USP15: variants seen among roughly 807,000 people sequenced by gnomAD.
The protein encoded by USP15 is ubiquitin carboxyl-terminal hydrolase 15.
Under a neutral mutation model 127.1 loss-of-function variants are expected in USP15, and 18 were observed. The observed-to-expected ratio is 0.14, with a 90% CI of 0.10 to 0.21. The LOEUF (loss-of-function observed/expected upper bound fraction) is 0.21. Among genes scored for constraint, USP15 ranks in the 10% least tolerant of loss-of-function variants. USP15 has a pLI of 1.00. For missense variants in USP15, 805 were observed against 1,159.9 expected (o/e 0.69, Z 4.44); for synonymous variants, 364 against 393.7 (o/e 0.92, Z 0.89).
intron 11 of USP15, among the ~76,000 whole-genome samples, chr12:62,384,780 A>C (rs1268848992): frequency 6.6e-6 from 1 of 151,786 alleles, no homozygotes; most frequent in Non-Finnish European, 1.5e-5. Context: ...TAGACTAAAA[A>C]TATTTTGTTC....
chr12:62,281,771 G>T (rs957992085), intron 1 of USP15, among the ~76,000 whole-genome samples: 6 of 152,166 alleles, frequency 3.9e-5, no homozygotes, highest in Non-Finnish European at 1.5e-5. Flanking sequence ...AAATGGGAAA[G>T]TCTCCTATCA....
intron 6 of USP15, among the ~76,000 whole-genome samples, chr12:62,333,489 G>A (rs933828184): frequency 5.3e-5 from 8 of 151,938 alleles, no homozygotes; most frequent in African/African-American, 1.9e-4. Flanking sequence ...ATAAAGATGG[G>A]GTTTCACCAT....
intron 8 of USP15, among the ~76,000 whole-genome samples, chr12:62,378,112 C>T (rs1207879884): frequency 6.6e-6 from 1 of 152,112 alleles, no homozygotes. Context: ...GAGGCTCAGG[C>T]AGGAGAATCG....
Position 62,404,383 on chromosome 12 carries a change from C to G in USP15, c.*8C>G, listed in dbSNP as rs1448414679. ...TGTATGCACACTAACTAATGAAAGT[C>G]CTAGAAGCCATAAAAGAGACACTTT... On this transcript the variant is annotated 3_prime_UTR_variant, in exon 22 of 22. Transcript: ENST00000280377. 6.4e-7 allele frequency: 1 copy of G among 1,574,270 alleles called. No individual in the cohort carries two copies. The highest frequency in any genetic ancestry group is 8.6e-7 in the Non-Finnish European group (1 of 1,158,878).
rs528319262 is a variant in USP15, at chr12:62,327,460, G to C, written c.683+1527G>C. Among the ~76,000 whole-genome samples the C allele has an allele frequency of 1.2e-4, 18 of 152,122 alleles. No individual in the cohort carries two copies. In the South Asian group the frequency reaches 3.7e-3, roughly 32 times the overall value. ...ACATTTACTTTTAGTCTTCAAAGCA[G>C]AACCACTGTTGTTTCCTAAATGTTT... On this transcript the variant is annotated intron_variant, in intron 6 of 21. Coordinates refer to ENST00000280377, the MANE Select transcript of USP15 (RefSeq NM_001252078.2).
At chr12:62,356,159 C>T (rs939290653) in intron 8 of USP15, among the ~76,000 whole-genome samples, 2 of 151,728 alleles carry the variant, frequency 1.3e-5, no homozygotes, top group African/African-American at 4.8e-5. Flanking sequence ...TTTATAAAAG[C>T]TCAGAATAAT....
chr12:62,322,487 C>A (rs192555152), intron 5 of USP15, among the ~76,000 whole-genome samples: 1 of 147,652 alleles, frequency 6.8e-6, no homozygotes, highest in Non-Finnish European at 1.5e-5. Flanking sequence ...TCACTGTCAG[C>A]AAGTCCTACT....
intron 6 of USP15, among the ~76,000 whole-genome samples, chr12:62,343,508 G>A (rs991623158): frequency 6.6e-6 from 1 of 152,188 alleles, no homozygotes; most frequent in African/African-American, 2.4e-5. Flanking sequence ...CAGCCACCCA[G>A]TTTTGTGCTT....
intron 6 of USP15, among the ~76,000 whole-genome samples, chr12:62,326,989 G>C (rs1252398010): frequency 2.0e-5 from 3 of 151,976 alleles, no homozygotes; most frequent in Non-Finnish European, 4.4e-5. Context: ...AATTAGCCAG[G>C]AGTGATGATG....
At chr12:62,331,917 C>T (rs1178938311) in intron 6 of USP15, among the ~76,000 whole-genome samples, 2 of 152,178 alleles carry the variant, frequency 1.3e-5, no homozygotes, top group African/African-American at 4.8e-5. Flanking sequence ...ATGATCCCAG[C>T]ACTTTGGGAG....
intron 6 of USP15, among the ~76,000 whole-genome samples, chr12:62,337,456 T>C (rs1320585007): frequency 6.6e-6 from 1 of 152,092 alleles, no homozygotes; most frequent in East Asian, 1.9e-4. Flanking sequence ...TTTGTTTTGT[T>C]TTTTGTCTTT....
intron 1 of USP15, among the ~76,000 whole-genome samples, chr12:62,268,366 A>G (rs1416164855): frequency 2.0e-5 from 3 of 152,148 alleles, no homozygotes; most frequent in Non-Finnish European, 4.4e-5. Context: ...TTGAAAGACA[A>G]ATACTTGAAA....
intron 8 of USP15, among the ~76,000 whole-genome samples, chr12:62,364,690 T>C (rs2066424025): frequency 1.3e-5 from 2 of 152,114 alleles, no homozygotes; most frequent in Admixed American, 1.3e-4. Context: ...TAGGTATTTA[T>C]CCTAATGCTA....
intron 7 of USP15, among the ~76,000 whole-genome samples, chr12:62,349,921 C>T (rs1353703647): frequency 6.6e-6 from 1 of 151,654 alleles, no homozygotes; most frequent in East Asian, 1.9e-4. Flanking sequence ...TGAACATTGA[C>T]ATGTTTTTTT....
At position 62,325,946 on chromosome 12, in the gene USP15, A is replaced by G. The variant is rs773143297; in HGVS notation, c.683+13A>G. 4 of 1,605,394 alleles carry G rather than the reference A, an allele frequency of 2.5e-6. No homozygotes were observed. The South Asian group carries it at 4.4e-5, about 18-fold the overall frequency. On this transcript the variant is annotated intron_variant, in intron 6 of 21. Transcript: ENST00000280377. ...CTTCTACTCCTAAGTAAGTGCTCCC[A>G]CTTCTTATGGCTTATTGTATGATTT...
intron 4 of USP15, among the ~76,000 whole-genome samples, chr12:62,320,530 A>T (rs2064955608): frequency 6.6e-6 from 1 of 152,144 alleles, no homozygotes; most frequent in African/African-American, 2.4e-5. Flanking sequence ...ATTTTATGTA[A>T]TTATTTAAAT....
At chr12:62,340,676 G>T (rs1592624914) in intron 6 of USP15, among the ~76,000 whole-genome samples, 1 of 152,160 alleles carries the variant, frequency 6.6e-6, no homozygotes, top group African/African-American at 2.4e-5. Flanking sequence ...CAATTTCCAT[G>T]TAGTTGTGCC....
chr12:62,364,359 A>G (rs1406699794), intron 8 of USP15, among the ~76,000 whole-genome samples: 5 of 152,196 alleles, frequency 3.3e-5, no homozygotes, highest in Admixed American at 6.6e-5. Context: ...GAGATCATCA[A>G]TTCAGAATAG....
At chr12:62,306,529 A>C (rs2064487918) in intron 3 of USP15, among the ~76,000 whole-genome samples, 1 of 152,164 alleles carries the variant, frequency 6.6e-6, no homozygotes, top group South Asian at 2.1e-4. Context: ...AAGTTTAGCA[A>C]CATGTTGCCT....
Sources: allele counts gnomAD v4.1 joint callset (sites outside exome capture counted in the v4.1 genomes callset), GRCh38; gene constraint gnomAD v4.1.1; transcripts MANE v1.5; gene names NCBI Gene and HGNC (gene_info 2026-07-23, HGNC 2026-07-21).